HIP1: variants seen among roughly 807,000 people sequenced by gnomAD.
HIP1 encodes huntingtin-interacting protein 1.
HIP1 carries 65 observed loss-of-function variants against 147.6 expected under a neutral mutation model. The ratio of observed to expected loss-of-function variants is 0.44; its 90% CI spans 0.36 to 0.54. HIP1 has a LOEUF of 0.54. Among genes scored for constraint, HIP1 ranks in the 20% least tolerant of loss-of-function variants. The pLI is 0.00. For synonymous variants in HIP1, 479 were observed against 504.0 expected (o/e 0.95, Z 0.67); for missense variants, 1,061 against 1,299.6 (o/e 0.82, Z 2.82).
chr7:75,550,371 A>C (rs1438165623), intron 22 of HIP1, among the ~76,000 whole-genome samples: 1 of 152,192 alleles, frequency 6.6e-6, no homozygotes, highest in African/African-American at 2.4e-5. Flanking sequence ...CTTCTACCCC[A>C]AGAGACACAG....
chr7:75,546,799 C>G (rs781984795), intron 25 of HIP1, 140 bp downstream of exon 25: 24 of 627,376 alleles, frequency 3.8e-5, no homozygotes, highest in Non-Finnish European at 6.4e-5. Context: ...TCCCCAGGGC[C>G]TCTGCTGATA....
At chr7:75,557,353 A>C (rs1795052807) in intron 16 of HIP1, among the ~76,000 whole-genome samples, 1 of 151,886 alleles carries the variant, frequency 6.6e-6, no homozygotes, top group South Asian at 2.1e-4. Context: ...CAAACAAACA[A>C]AAAAAAACGC....
At chr7:75,621,606 C>T (rs587673783) in intron 1 of HIP1, among the ~76,000 whole-genome samples, 5 of 152,206 alleles carry the variant, frequency 3.3e-5, no homozygotes, top group Admixed American at 6.5e-5. Context: ...CAATAGGATC[C>T]CTCTGGCTGC....
At chr7:75,624,719 G>A (rs1420478897) in intron 1 of HIP1, among the ~76,000 whole-genome samples, 1 of 152,120 alleles carries the variant, frequency 6.6e-6, no homozygotes, top group Admixed American at 6.6e-5. Context: ...ATTCATTCCT[G>A]TCCTTCCCTT....
At position 75,558,275 on chromosome 7, in the gene HIP1, G is replaced by A; in HGVS notation, c.1376-20C>T. ...CTTTCCCTGTATTGTAAAGGACCAA[G>A]GTGAGGAGTCTAACCTAGCAGGGAC... is the stretch of plus-strand genomic sequence containing the variant. On this transcript the variant is annotated intron_variant, in intron 14 of 30. Transcript: ENST00000336926. 2 of 1,596,650 alleles carry A rather than the reference G, an allele frequency of 1.3e-6. No individual in the cohort carries two copies. The highest frequency in any genetic ancestry group is 1.1e-5 in the South Asian group (1 of 90,734).
At chr7:75,578,632 C>T (rs1403335580) in intron 7 of HIP1, among the ~76,000 whole-genome samples, 8 of 152,078 alleles carry the variant, frequency 5.3e-5, no homozygotes, top group East Asian at 1.9e-4. Flanking sequence ...GAGCCGGAAT[C>T]GCACCACTGC....
rs145692173 is a variant in HIP1 at position 75,621,873 on chromosome 7, G to C, written c.121-22626C>G. 6.6e-3 allele frequency among the ~76,000 whole-genome samples: 1,005 copies of C among 152,312 alleles called. 14 individuals carry two copies. Among genetic ancestry groups the C allele is most frequent in the African/African-American group, 0.022 (914 of 41,560 alleles). ...AGAGGGACTGAGCTGCCATTAACAAGCTGGGGGGACCCATGGGAGAGTTGG... is the reference window on the plus strand; with the variant it reads ...AGAGGGACTGAGCTGCCATTAACAACCTGGGGGGACCCATGGGAGAGTTGG... On this transcript the variant is annotated intron_variant, in intron 1 of 30. Transcript: ENST00000336926.
In HIP1 at chr7:75,539,237, G is replaced by C. The variant is rs1232343161; in HGVS notation, c.3061+86C>G. 33 of 933,274 alleles carry C rather than the reference G, an allele frequency of 3.5e-5. No homozygotes were observed. The East Asian group carries it at 7.2e-4, about 20-fold the overall frequency. The allele number at this position is 933,274 out of a possible 1,614,324, so 57.8% of individuals were successfully genotyped here. A position where few individuals can be genotyped will look rare whatever the true frequency, so the allele number is the denominator to read the frequency against. ...AAGCCACCGATCTGGTGGGTTCCTT[G>C]TTCTGTTCCATTCTAGGGGAAGGCC... On this transcript the variant is annotated intron_variant, in intron 30 of 30. Coordinates refer to ENST00000336926, the MANE Select transcript of HIP1 (RefSeq NM_005338.7).
intron 15 of HIP1, 33 bp from the exon 16 acceptor site, chr7:75,557,803 G>T: frequency 6.6e-7 from 1 of 1,511,288 alleles, no homozygotes; most frequent in Non-Finnish European, 9.2e-7. Context: ...TGAACCAGGA[G>T]ATCCCAGGCT....
intron 1 of HIP1, among the ~76,000 whole-genome samples, chr7:75,729,966 A>G (rs1801781684): frequency 6.6e-6 from 1 of 152,114 alleles, no homozygotes. Context: ...GAGGCACTCA[A>G]CAGAATGCGG....
chr7:75,691,933 G>T (rs1203345758), intron 1 of HIP1, among the ~76,000 whole-genome samples: 1 of 152,122 alleles, frequency 6.6e-6, no homozygotes, highest in Non-Finnish European at 1.5e-5. Flanking sequence ...CTTTGCAGGG[G>T]GTGGGGAGGG....
At chr7:75,653,238 T>C (rs1554512219) in intron 1 of HIP1, among the ~76,000 whole-genome samples, 1 of 152,078 alleles carries the variant, frequency 6.6e-6, no homozygotes. Flanking sequence ...TCATTGGCAA[T>C]GAAGCACTTG....
intron 5 of HIP1, among the ~76,000 whole-genome samples, chr7:75,584,820 G>A (rs1796192526): frequency 6.7e-6 from 1 of 149,338 alleles, no homozygotes; most frequent in East Asian, 1.9e-4. Context: ...CCTACCCTAG[G>A]CCCTTCCTCC....
rs1188841175 is a variant in HIP1, at chr7:75,637,980, C to A, written c.121-38733G>T. On this transcript the variant is annotated intron_variant, in intron 1 of 30. Transcript: ENST00000336926. The stretch of plus-strand genomic sequence containing the variant: ...TCTATGGCAAGGGCAGACCCAGACC[C>A]CCCCCCCCCCCCCACACACACACAT... Among the ~76,000 whole-genome samples, 151 of 15,330 alleles carry A rather than the reference C, an allele frequency of 9.8e-3. 3 individuals are homozygous for A. Among genetic ancestry groups the A allele is most frequent in the African/African-American group, 0.036 (84 of 2,320 alleles). 10.1% of individuals were successfully genotyped at this position (15,330 alleles called of 152,430 possible).
chr7:75,660,587 C>A (rs911961989), intron 1 of HIP1, among the ~76,000 whole-genome samples: 1 of 152,040 alleles, frequency 6.6e-6, no homozygotes, highest in South Asian at 2.1e-4. Flanking sequence ...AGAAGCATTA[C>A]CAGAATGCTA....
chr7:75,614,687 A>G (rs1451938260), intron 1 of HIP1, among the ~76,000 whole-genome samples: 4 of 152,132 alleles, frequency 2.6e-5, no homozygotes, highest in Non-Finnish European at 5.9e-5. Flanking sequence ...TTGCTTAATT[A>G]TACACTTGAA....
intron 8 of HIP1, among the ~76,000 whole-genome samples, chr7:75,571,469 C>A (rs1208366846): frequency 1.3e-5 from 2 of 152,126 alleles, no homozygotes; most frequent in African/African-American, 4.8e-5. Context: ...CAAAACCATC[C>A]TAGGTTAGCA....
intron 1 of HIP1, among the ~76,000 whole-genome samples, chr7:75,653,041 C>CA (rs1470334718): frequency 1.3e-5 from 2 of 151,682 alleles, no homozygotes; most frequent in African/African-American, 4.9e-5. Context: ...TTTGGCTAAA[C>CA]AATATATGTG....
chr7:75,662,279 G>A (rs146825753), intron 1 of HIP1, among the ~76,000 whole-genome samples: 133 of 152,170 alleles, frequency 8.7e-4, no homozygotes, highest in African/African-American at 2.8e-3. Context: ...GAACTCCTGG[G>A]CTCCAGTAAC....
Sources: allele counts gnomAD v4.1 joint callset (sites outside exome capture counted in the v4.1 genomes callset), GRCh38; gene constraint gnomAD v4.1.1; transcripts MANE v1.5; gene names NCBI Gene and HGNC (gene_info 2026-07-23, HGNC 2026-07-21).